PXDNL: variants seen among roughly 807,000 people sequenced by gnomAD.
PXDNL encodes probable oxidoreductase PXDNL.
A neutral mutation model predicts 150.8 loss-of-function variants in PXDNL; 145 were observed. The ratio of observed to expected loss-of-function variants is 0.96; its 90% CI spans 0.84 to 1.10. The LOEUF (loss-of-function observed/expected upper bound fraction) is 1.10. Among genes scored for constraint, PXDNL ranks in the 50% least tolerant of loss-of-function variants. The probability of loss-of-function intolerance (pLI) is 0.00; values close to 1 mark genes in which losing one functional copy is unlikely to be tolerated. For missense variants in PXDNL, 2,087 were observed against 1,873.9 expected, an observed-to-expected ratio of 1.11 and a Z score of -2.10; for synonymous variants, 757 against 725.7, an observed-to-expected ratio of 1.04 and a Z score of -0.69.
At chr8:51,497,582 A>G (rs967189843) in intron 5 of PXDNL, among the ~76,000 whole-genome samples, 25 of 152,176 alleles carry the variant, frequency 1.6e-4, no homozygotes, top group African/African-American at 6.0e-4. Flanking sequence ...TCAAATTTAC[A>G]AGAAAAAAGC....
chr8:51,687,990 A>T (rs994765558), intron 1 of PXDNL, among the ~76,000 whole-genome samples: 2 of 152,270 alleles, frequency 1.3e-5, no homozygotes, highest in Non-Finnish European at 2.9e-5. Flanking sequence ...TTCAATTTCT[A>T]TACAATTCCA....
intron 6 of PXDNL, among the ~76,000 whole-genome samples, chr8:51,478,731 T>C (rs536914765): frequency 2.6e-4 from 39 of 152,298 alleles, no homozygotes; most frequent in African/African-American, 8.4e-4. Flanking sequence ...TTGTTGAAGG[T>C]GGAATTCATT....
chr8:51,727,249 G>A (rs1030493602), intron 1 of PXDNL, among the ~76,000 whole-genome samples: 1 of 152,082 alleles, frequency 6.6e-6, no homozygotes, highest in Admixed American at 6.6e-5. Context: ...AAAGAGCATG[G>A]CATTTTGTTT....
intron 1 of PXDNL, among the ~76,000 whole-genome samples, chr8:51,730,506 C>T (rs904881700): frequency 5.3e-5 from 8 of 152,138 alleles, no homozygotes; most frequent in African/African-American, 1.9e-4. Context: ...CTACTATGTA[C>T]CATTGATGTG....
intron 1 of PXDNL, among the ~76,000 whole-genome samples, chr8:51,751,608 A>G (rs1394382791): frequency 1.3e-5 from 2 of 152,186 alleles, no homozygotes; most frequent in Admixed American, 6.5e-5. Flanking sequence ...TTGCATTAGA[A>G]TATTTGGTCT....
chr8:51,688,593 C>G (rs1815923328), intron 1 of PXDNL, among the ~76,000 whole-genome samples: 1 of 152,118 alleles, frequency 6.6e-6, no homozygotes, highest in Non-Finnish European at 1.5e-5. Context: ...CAGGTGACAG[C>G]AACAACATCC....
intron 13 of PXDNL, among the ~76,000 whole-genome samples, chr8:51,425,189 A>G (rs1809058372): frequency 6.6e-6 from 1 of 152,196 alleles, no homozygotes; most frequent in African/African-American, 2.4e-5. Flanking sequence ...ATGGCTTTCC[A>G]GCACATTCCT....
At chr8:51,481,538 TGGG>T (rs1022428085) in intron 6 of PXDNL, among the ~76,000 whole-genome samples, 2 of 151,792 alleles carry the variant, frequency 1.3e-5, no homozygotes, top group African/African-American at 4.8e-5. Flanking sequence ...ACCAAGACAA[TGGG>T]GAAAATGTCT....
chr8:51,640,268 G>T (rs1221157413), intron 2 of PXDNL, among the ~76,000 whole-genome samples: 1 of 152,144 alleles, frequency 6.6e-6, no homozygotes, highest in Non-Finnish European at 1.5e-5. Context: ...GCAAAAACTG[G>T]AAGCATTCCC....
intron 8 of PXDNL, among the ~76,000 whole-genome samples, chr8:51,463,470 G>T (rs1326883948): frequency 6.6e-6 from 1 of 152,072 alleles, no homozygotes; most frequent in Non-Finnish European, 1.5e-5. Context: ...AGGGTAGGAG[G>T]TTGCTATTCT....
At chr8:51,390,375 T>C (rs1217792581) in intron 17 of PXDNL, among the ~76,000 whole-genome samples, 1 of 152,168 alleles carries the variant, frequency 6.6e-6, no homozygotes, top group Non-Finnish European at 1.5e-5. Context: ...AGATAGATCA[T>C]GCAATTTGCC....
chr8:51,581,493 C>CTAAA (rs549807763), intron 3 of PXDNL, among the ~76,000 whole-genome samples: 2 of 143,790 alleles, frequency 1.4e-5, no homozygotes, highest in Non-Finnish European at 1.5e-5. Context: ...GACCCTGTCT[C>CTAAA]TAAATAAATA....
chr8:51,737,583 G>A (rs141393626), intron 1 of PXDNL, among the ~76,000 whole-genome samples: 2 of 152,256 alleles, frequency 1.3e-5, no homozygotes, highest in African/African-American at 4.8e-5. Flanking sequence ...AACTAGACAG[G>A]AAGACCTCAT....
At chr8:51,340,277 G>A (rs1805949687) in intron 20 of PXDNL, 1 of 152,060 alleles carries the variant, frequency 6.6e-6, no homozygotes, top group African/African-American at 2.4e-5. Context: ...GATAATAAAA[G>A]GATATAAGGA....
At chr8:51,610,618 G>A (rs1441533797) in intron 2 of PXDNL, among the ~76,000 whole-genome samples, 3 of 152,076 alleles carry the variant, frequency 2.0e-5, no homozygotes, top group Non-Finnish European at 4.4e-5. Context: ...ATCTCAATTG[G>A]TTTAGGAGTA....
chr8:51,392,467 T>C (rs1421017672), intron 17 of PXDNL, among the ~76,000 whole-genome samples: 4 of 152,166 alleles, frequency 2.6e-5, no homozygotes, highest in Non-Finnish European at 5.9e-5. Flanking sequence ...CCCTTGTAAG[T>C]TGGATTTCTA....
At chr8:51,713,447 T>A (rs1199134623) in intron 1 of PXDNL, among the ~76,000 whole-genome samples, 4 of 152,216 alleles carry the variant, frequency 2.6e-5, no homozygotes, top group African/African-American at 9.6e-5. Flanking sequence ...ATGAAATACC[T>A]TTAACCATCA....
At chr8:51,501,672 A>G (rs759473542) in intron 4 of PXDNL, among the ~76,000 whole-genome samples, 2 of 152,136 alleles carry the variant, frequency 1.3e-5, no homozygotes, top group Non-Finnish European at 1.5e-5. Context: ...GCACTGACAC[A>G]TGTATTCACA....
At chr8:51,373,473 AC>A (rs1283268096) in intron 18 of PXDNL, among the ~76,000 whole-genome samples, 1 of 152,214 alleles carries the variant, frequency 6.6e-6, no homozygotes, top group Non-Finnish European at 1.5e-5. Flanking sequence ...TCAGTCTTTG[AC>A]TACATATATT....
Sources: gnomAD v4.1 joint callset for allele counts (sites outside exome capture counted in the v4.1 genomes callset) on GRCh38, gnomAD v4.1.1 for gene constraint, MANE v1.5 for transcripts, NCBI Gene and HGNC (gene_info 2026-07-23, HGNC 2026-07-21) for gene names.